The following ADD2 variants were observed in gnomAD, a reference collection of about 807,000 sequenced individuals.
The protein encoded by ADD2 is beta-adducin.
In ADD2, 23 loss-of-function variants were observed where a neutral mutation model predicts 83.0. That is an observed-to-expected ratio of 0.28 (90% CI 0.20 to 0.39). The LOEUF (loss-of-function observed/expected upper bound fraction) is 0.39. ADD2 is among the 10% of genes least tolerant of loss of function. ADD2 has a pLI of 1.00. For synonymous variants in ADD2, 375 were observed against 375.4 expected (o/e 1.00, Z 0.01); for missense variants, 758 against 944.9 (o/e 0.80, Z 2.59).
Position 70,768,088 on chromosome 2 carries a change from A to G in ADD2, c.-356T>C. On this transcript the variant is annotated 5_prime_UTR_variant, in exon 1 of 16. Coordinates refer to ENST00000264436, the MANE Select transcript of ADD2 (RefSeq NM_001617.4). ...CAGCGGCTCCGCGGCGGCGGGGATGACTGGCCACCGACGCCGCAGTTCCTT... is the reference window on the plus strand; with the variant it reads ...CAGCGGCTCCGCGGCGGCGGGGATGGCTGGCCACCGACGCCGCAGTTCCTT... 1 of 1,000,324 alleles carries G rather than the reference A, an allele frequency of 1.0e-6. No individual in the cohort carries two copies. Among genetic ancestry groups the G allele is most frequent in the Non-Finnish European group, 1.4e-6 (1 of 698,938 alleles). 62.0% of individuals were successfully genotyped at this position (1,000,324 alleles called of 1,614,324 possible).
intron 1 of ADD2, among the ~76,000 whole-genome samples, chr2:70,722,924 C>T (rs369588105): frequency 1.3e-5 from 2 of 152,208 alleles, no homozygotes; most frequent in Non-Finnish European, 2.9e-5. Context: ...TAGTTCCCAT[C>T]CCCTATATTC....
chr2:70,657,384 T>A lies in ADD2; in HGVS notation c.*6041A>T, dbSNP rs1330760316. ...TTGCCTGCACCCCAGCCAGGCGATC[T>A]CAGGCTCTGGACCGTATGTTCTCCC... is the stretch of plus-strand genomic sequence containing the variant. On this transcript the variant is annotated 3_prime_UTR_variant, in exon 16 of 16. Coordinates refer to ENST00000264436, the MANE Select transcript of ADD2 (RefSeq NM_001617.4). 6.6e-6 allele frequency: 1 copy of A among 152,190 alleles called. No homozygotes were observed. Among genetic ancestry groups the A allele is most frequent in the Non-Finnish European group, 1.5e-5 (1 of 68,050 alleles). The allele number at this position is 152,190 out of a possible 1,614,324, so 9.4% of individuals were successfully genotyped here.
intron 15 of ADD2, among the ~76,000 whole-genome samples, chr2:70,670,227 T>C (rs1669843378): frequency 6.6e-6 from 1 of 152,246 alleles, no homozygotes; most frequent in African/African-American, 2.4e-5. Context: ...ACATGGTAGA[T>C]AAAAAGGACT....
intron 10 of ADD2, among the ~76,000 whole-genome samples, chr2:70,682,161 T>A (rs1296727904): frequency 6.6e-6 from 1 of 152,272 alleles, no homozygotes; most frequent in African/African-American, 2.4e-5. Context: ...TTAGGCTTGA[T>A]ACTATTTGCT....
chr2:70,751,914 A>T (rs1553382979), intron 1 of ADD2, among the ~76,000 whole-genome samples: 2 of 152,240 alleles, frequency 1.3e-5, no homozygotes, highest in Non-Finnish European at 2.9e-5. Context: ...CAGAAAATGC[A>T]AGGATATGAT....
chr2:70,664,240 C>T (rs1169896000), intron 15 of ADD2, among the ~76,000 whole-genome samples: 1 of 152,216 alleles, frequency 6.6e-6, no homozygotes, highest in African/African-American at 2.4e-5. Context: ...TCCCAGTAGG[C>T]AGAGGGAGAG....
At chr2:70,675,634 G>A in intron 13 of ADD2, 3 of 985,426 alleles carry the variant, frequency 3.0e-6, no homozygotes, top group Non-Finnish European at 3.6e-6. Context: ...CTGAAGCTGA[G>A]GAGCAAAGAG....
rs782199642 is a variant in ADD2 at position 70,678,800 on chromosome 2, C to T, written c.1287G>A (p.Glu429=). 9.9e-6 allele frequency: 16 copies of T among 1,614,124 alleles called. No homozygotes were observed. In the South Asian group the frequency reaches 1.6e-4, roughly 17 times the overall value. Residue 429 remains glutamate, a synonymous_variant, in exon 11 of 16, where the codon GAG becomes GAA. Coordinates refer to ENST00000264436, the MANE Select transcript of ADD2 (RefSeq NM_001617.4). ...TGGGCGTATTGAGCCAGCGGGTCTT[C>T]TCCTTCTGCTGCTTCTGGGCATGCT... ...LRQHAQKQQK[E]KTRWLNTPNT...
chr2:70,706,537 A>C lies in ADD2; in HGVS notation c.-34-95T>G. ...CAGGGCTAGGTTCAGTTGGATTCTCAGTGGGGTACGGCTGTTCCTAGGATG... is the reference window on the plus strand; with the variant it reads ...CAGGGCTAGGTTCAGTTGGATTCTCCGTGGGGTACGGCTGTTCCTAGGATG... On this transcript the variant is annotated intron_variant, in intron 2 of 15. Coordinates refer to ENST00000264436, the MANE Select transcript of ADD2 (RefSeq NM_001617.4). The surrounding 1 kb of genome is among the most constrained non-coding windows in gnomAD (Gnocchi z 5.0). The C allele has an allele frequency of 1.0e-5, 12 of 1,157,212 alleles. No individual in the cohort carries two copies. The highest frequency in any genetic ancestry group is 1.6e-5 in the South Asian group (1 of 61,214). 71.7% of individuals were successfully genotyped at this position (1,157,212 alleles called of 1,614,324 possible).
At position 70,673,072 on chromosome 2, in the gene ADD2, G is replaced by A. The variant is rs1669975855; in HGVS notation, c.1742-66C>T. 1.4e-5 allele frequency: 22 copies of A among 1,572,764 alleles called. No homozygotes were observed. In the South Asian group the frequency reaches 2.6e-4, roughly 18 times the overall value. ...GAGAAGAGATGGGCAGGGAAATAAA[G>A]CCTTTTAAAAATTACTTTTTTCTAT... On this transcript the variant is annotated intron_variant, in intron 14 of 15. Transcript: ENST00000264436.
At chr2:70,764,619 A>G (rs1374302074) in intron 1 of ADD2, among the ~76,000 whole-genome samples, 2 of 151,962 alleles carry the variant, frequency 1.3e-5, no homozygotes, top group Non-Finnish European at 2.9e-5. Flanking sequence ...CTAATTATTT[A>G]TGATTATCAC....
chr2:70,755,348 G>GC (rs1674717523), intron 1 of ADD2, among the ~76,000 whole-genome samples: 1 of 152,292 alleles, frequency 6.6e-6, no homozygotes, highest in South Asian at 2.1e-4. Context: ...GAACCCACCT[G>GC]CAACAGCTCA....
chr2:70,767,500 G>A, intron 1 of ADD2: 1 of 431,670 alleles, frequency 2.3e-6, no homozygotes, highest in Non-Finnish European at 3.2e-6. Flanking sequence ...CGAGCGGGAA[G>A]GAAAGAGAGG....
chr2:70,703,122 AGAAAG>A (rs1671687754), intron 4 of ADD2, among the ~76,000 whole-genome samples: 1 of 151,862 alleles, frequency 6.6e-6, no homozygotes, highest in African/African-American at 2.4e-5. Context: ...TCTGCGTGAA[AGAAAG>A]GAAAGAAAAG....
In ADD2 at chr2:70,657,918, C is replaced by T. The variant is rs2104110786; in HGVS notation, c.*5507G>A. ...CACTGAGCCTCAGACTCCAGCTCTG[C>T]CTGAACCCCTTCCCTGCACCAATAA... On this transcript the variant is annotated 3_prime_UTR_variant, in exon 16 of 16. Coordinates refer to ENST00000264436, the MANE Select transcript of ADD2 (RefSeq NM_001617.4). 6.6e-6 allele frequency: 1 copy of T among 152,302 alleles called. No homozygotes were observed. Among genetic ancestry groups the T allele is most frequent in the Non-Finnish European group, 1.5e-5 (1 of 68,050 alleles). 9.4% of individuals were successfully genotyped at this position (152,302 alleles called of 1,614,324 possible).
chr2:70,749,182 T>C (rs1674383022), intron 1 of ADD2, among the ~76,000 whole-genome samples: 1 of 152,114 alleles, frequency 6.6e-6, no homozygotes, highest in Non-Finnish European at 1.5e-5. Flanking sequence ...AAATGCCAGA[T>C]GCTTATAAAA....
Position 70,663,308 on chromosome 2 carries a change from A to G in ADD2, c.*117T>C. ...GGGTGATCTCTAAGTTCCCCTTCCG[A>G]ATGTGGTCCAGGGTCCTACTCTATC... On this transcript the variant is annotated 3_prime_UTR_variant, in exon 16 of 16. Coordinates refer to ENST00000264436, the MANE Select transcript of ADD2 (RefSeq NM_001617.4). The G allele has an allele frequency of 8.5e-7, 1 of 1,182,470 alleles. No individual in the cohort carries two copies. The highest frequency in any genetic ancestry group is 1.2e-6 in the Non-Finnish European group (1 of 835,316). 73.2% of individuals were successfully genotyped at this position (1,182,470 alleles called of 1,614,324 possible). A position where few individuals can be genotyped will look rare whatever the true frequency, so the allele number is the denominator to read the frequency against.
chr2:70,767,006 T>C (rs537226906), intron 1 of ADD2, among the ~76,000 whole-genome samples: 11 of 152,240 alleles, frequency 7.2e-5, no homozygotes, highest in Admixed American at 1.3e-4. Context: ...AGATGGAGAT[T>C]AGGGGTGAGA....
chr2:70,688,041 C>T lies in ADD2; in HGVS notation c.931G>A (p.Ala311Thr). ...EAFYKIFHLQAACEIQVSALS... is the reference protein window; with the variant it reads ...EAFYKIFHLQTACEIQVSALS... ...TTGCTCACCTGTATCTCACATGCAG[C>T]CTGCAGGTGGAAGATCTTGTAAAAT... Residue 311 changes from alanine to threonine, a missense_variant, in exon 9 of 16, where the codon GCT becomes ACT. Physicochemically the swap from Ala to Thr is moderately conservative, Grantham distance 58. Transcript: ENST00000264436. The T allele has an allele frequency of 6.2e-7, 1 of 1,613,970 alleles. No individual in the cohort carries two copies. The highest frequency in any genetic ancestry group is 8.5e-7 in the Non-Finnish European group (1 of 1,179,830).
Sources: allele counts gnomAD v4.1 joint callset (sites outside exome capture counted in the v4.1 genomes callset), GRCh38; gene constraint gnomAD v4.1.1; non-coding constraint Gnocchi (gnomAD v3.1); transcripts MANE v1.5; gene names NCBI Gene and HGNC (gene_info 2026-07-23, HGNC 2026-07-21).